The following CHRM5 variants were observed in gnomAD, a reference collection of about 807,000 sequenced individuals.
The protein encoded by CHRM5 is muscarinic acetylcholine receptor M5.
A neutral mutation model predicts 39.0 loss-of-function variants in CHRM5; 18 were observed. The observed-to-expected ratio is 0.46, with a 90% CI of 0.32 to 0.68. The LOEUF is 0.68. CHRM5 is among the 30% of genes least tolerant of loss of function. The pLI is 0.04. For missense variants in CHRM5, 515 were observed against 651.1 expected (o/e 0.79, Z 2.28); for synonymous variants, 241 against 246.3 (o/e 0.98, Z 0.20).
rs182851842 is a variant in CHRM5, at chr15:33,997,759, T to G, written c.-408+28609T>G. Among the ~76,000 whole-genome samples the G allele has an allele frequency of 7.2e-5, 11 of 152,302 alleles. No individual in the cohort carries two copies. In the East Asian group the frequency reaches 2.1e-3, roughly 29 times the overall value. On this transcript the variant is annotated intron_variant, in intron 1 of 2. Transcript: ENST00000383263. ...ATCATTCTAATCATCTCCTTTTCCC[T>G]CTCTCATTTCATTGCATTTGCTCTG...
intron 1 of CHRM5, among the ~76,000 whole-genome samples, chr15:33,995,847 C>T (rs1896909096): frequency 1.3e-5 from 2 of 152,188 alleles, no homozygotes; most frequent in Admixed American, 6.5e-5. Context: ...TGGGTGCAGG[C>T]CACGGAGGGC....
chr15:34,008,202 C>T (rs571629106), intron 1 of CHRM5, among the ~76,000 whole-genome samples: 31 of 152,128 alleles, frequency 2.0e-4, no homozygotes, highest in Non-Finnish European at 3.5e-4. Flanking sequence ...AGAAGGATTG[C>T]TTGAGGCCAG....
At chr15:33,983,955 C>T (rs1896308721) in intron 1 of CHRM5, among the ~76,000 whole-genome samples, 1 of 150,234 alleles carries the variant, frequency 6.7e-6, no homozygotes, top group Non-Finnish European at 1.5e-5. Flanking sequence ...CAGAAAAACC[C>T]AAATTAAGGG....
At chr15:34,011,313 C>T (rs968448309) in intron 1 of CHRM5, among the ~76,000 whole-genome samples, 8 of 151,766 alleles carry the variant, frequency 5.3e-5, no homozygotes, top group South Asian at 2.1e-4. Flanking sequence ...AAAAAGGATA[C>T]GGATATACAA....
At chr15:34,051,199 C>T (rs1002037709) in intron 2 of CHRM5, among the ~76,000 whole-genome samples, 2 of 152,184 alleles carry the variant, frequency 1.3e-5, no homozygotes, top group Non-Finnish European at 2.9e-5. Context: ...AATTCACTCA[C>T]AACCACACAA....
intron 1 of CHRM5, among the ~76,000 whole-genome samples, chr15:33,973,231 A>G (rs913250076): frequency 1.3e-4 from 20 of 152,194 alleles, no homozygotes; most frequent in African/African-American, 4.8e-4. Flanking sequence ...AGCACTGAAT[A>G]ATGTGTTCTT....
At chr15:34,061,050 C>T (rs1262421437) in intron 2 of CHRM5, among the ~76,000 whole-genome samples, 1 of 151,048 alleles carries the variant, frequency 6.6e-6, no homozygotes, top group African/African-American at 2.4e-5. Flanking sequence ...TTTCCCTTTA[C>T]CGCCCATTAT....
At chr15:34,049,393 A>G (rs920613913) in intron 2 of CHRM5, among the ~76,000 whole-genome samples, 10 of 152,366 alleles carry the variant, frequency 6.6e-5, no homozygotes, top group East Asian at 3.9e-4. Flanking sequence ...ACACACTATG[A>G]GAACTTTACA....
intron 1 of CHRM5, among the ~76,000 whole-genome samples, chr15:34,030,167 T>C (rs775535448): frequency 1.3e-5 from 2 of 151,780 alleles, no homozygotes; most frequent in Non-Finnish European, 2.9e-5. Flanking sequence ...GGCAGGAGAA[T>C]CTCTTGAACC....
intron 1 of CHRM5, among the ~76,000 whole-genome samples, chr15:34,013,776 G>A (rs1897741418): frequency 6.6e-6 from 1 of 152,182 alleles, no homozygotes; most frequent in Non-Finnish European, 1.5e-5. Flanking sequence ...TCAGGACCAG[G>A]CTTGTGAGCC....
intron 2 of CHRM5, among the ~76,000 whole-genome samples, chr15:34,058,484 G>A (rs529958323): frequency 6.6e-6 from 1 of 151,652 alleles, no homozygotes; most frequent in African/African-American, 2.4e-5. Flanking sequence ...GAGAGAGAGA[G>A]CCAATTTCCC....
At chr15:33,994,124 A>T (rs1896839623) in intron 1 of CHRM5, among the ~76,000 whole-genome samples, 2 of 152,218 alleles carry the variant, frequency 1.3e-5, no homozygotes, top group Admixed American at 6.5e-5. Flanking sequence ...CGGGCTGCAT[A>T]GCAGGAGGTG....
chr15:34,055,762 C>G (rs1378136516), intron 2 of CHRM5, among the ~76,000 whole-genome samples: 1 of 152,004 alleles, frequency 6.6e-6, no homozygotes, highest in East Asian at 1.9e-4. Flanking sequence ...GATCACACCA[C>G]TGCACTCCAG....
intron 1 of CHRM5, among the ~76,000 whole-genome samples, chr15:33,982,211 T>C (rs1013066122): frequency 1.1e-4 from 16 of 152,176 alleles, no homozygotes; most frequent in South Asian, 6.2e-4. Flanking sequence ...CCTACATCTC[T>C]GCAGATGTAG....
chr15:33,978,999 G>C (rs925407134), intron 1 of CHRM5, among the ~76,000 whole-genome samples: 1 of 152,058 alleles, frequency 6.6e-6, no homozygotes, highest in Admixed American at 6.6e-5. Flanking sequence ...GGGACCTACT[G>C]GCTCATATAA....
At chr15:34,039,617 G>A (rs892503921) in intron 1 of CHRM5, among the ~76,000 whole-genome samples, 6 of 152,290 alleles carry the variant, frequency 3.9e-5, no homozygotes, top group Non-Finnish European at 8.8e-5. Context: ...AAGAGTTTGT[G>A]TCTGGTGAGA....
chr15:34,033,349 A>G (rs975360906), intron 1 of CHRM5, among the ~76,000 whole-genome samples: 2 of 152,100 alleles, frequency 1.3e-5, no homozygotes, highest in Non-Finnish European at 2.9e-5. Flanking sequence ...CTACTAAAAT[A>G]CAAAAAATTA....
chr15:34,063,380 G>A lies in CHRM5; in HGVS notation c.663G>A (p.Glu221=), dbSNP rs1243434641. The change falls in exon 3 of 3, where the codon GAG becomes GAA. Residue 221 remains glutamate (E), a synonymous_variant. Transcript: ENST00000383263. This position sits in a 1 kb window ranked among gnomAD's most constrained non-coding sequence, Gnocchi z 4.1. ...ILYCRIYRET[E]KRTKDLADLQ... is the part of the protein sequence containing the mutation. The stretch of plus-strand genomic sequence containing the variant: ...ACTGTCGAATCTACCGGGAAACAGA[G>A]AAGCGAACCAAGGACCTGGCTGACC... 1.9e-6 allele frequency: 3 copies of A among 1,614,084 alleles called. No homozygotes were observed. Among genetic ancestry groups the A allele is most frequent in the Admixed American group, 3.3e-5 (2 of 60,020 alleles).
chr15:34,017,477 TTTTTTTG>T (rs1431457294), intron 1 of CHRM5, among the ~76,000 whole-genome samples: 3 of 45,434 alleles, frequency 6.6e-5, no homozygotes, highest in Non-Finnish European at 1.2e-4. Context: ...AGTATGATTT[TTTTTTTG>T]TTTTTTTTTT....
Sources: allele counts gnomAD v4.1 joint callset (sites outside exome capture counted in the v4.1 genomes callset), GRCh38; gene constraint gnomAD v4.1.1; non-coding constraint Gnocchi (gnomAD v3.1); transcripts MANE v1.5; gene names NCBI Gene and HGNC (gene_info 2026-07-23, HGNC 2026-07-21).